Variants in NUDT16L1 observed in about 807,000 individuals in gnomAD.
NUDT16L1 encodes the protein tudor-interacting repair regulator protein.
NUDT16L1 carries 19 observed loss-of-function variants against 17.3 expected under a neutral mutation model. That is an observed-to-expected ratio of 1.10 (90% CI 0.77 to 1.61). The LOEUF (loss-of-function observed/expected upper bound fraction) is 1.61, where lower values mean the gene tolerates loss of function less well. Ranked by LOEUF, NUDT16L1 falls within the 40% of genes most tolerant of loss-of-function variation. The probability of loss-of-function intolerance (pLI) is 0.00; values close to 1 mark genes in which losing one functional copy is unlikely to be tolerated. For synonymous variants in NUDT16L1, 255 were observed against 138.6 expected, an observed-to-expected ratio of 1.84 and a Z score of -5.90; for missense variants, 341 against 292.0, an observed-to-expected ratio of 1.17 and a Z score of -1.22.
At chr16:4,695,082 T>G in exon 3 of NUDT16L1, 1 of 1,613,450 alleles carries the variant, frequency 6.2e-7, no homozygotes, top group Non-Finnish European at 8.5e-7. Context: ...CTCAAGGTGC[T>G]CAACATGATG....
chr16:4,694,256 GC>G lies in NUDT16L1; in HGVS notation c.414+22del. ...GCCTGGAGGTGGGGCCGCCGCCCGG[GC>G]CCCGCCCCCCGCCCCGGGGTTTGGC... On this transcript the variant is annotated intron_variant, in intron 2 of 2. Coordinates refer to ENST00000304301, the Ensembl canonical transcript of NUDT16L1. 2 of 1,461,396 alleles carry G rather than the reference GC, an allele frequency of 1.4e-6. No homozygotes were observed. Among genetic ancestry groups the G allele is most frequent in the East Asian group, 2.6e-5 (1 of 38,382 alleles). The allele number at this position is 1,461,396 out of a possible 1,614,324, so 90.5% of individuals were successfully genotyped here. A position where few individuals can be genotyped will look rare whatever the true frequency, so the allele number is the denominator to read the frequency against.
exon 3 of NUDT16L1, chr16:4,695,464 TC>T (rs1467534100): frequency 6.9e-6 from 4 of 583,618 alleles, no homozygotes; most frequent in Non-Finnish European, 1.2e-5. Flanking sequence ...CTCTTGTACG[TC>T]TCATCACAGC....
intron 2 of NUDT16L1, chr16:4,694,603 G>A (rs530110825): frequency 2.8e-6 from 4 of 1,432,332 alleles, no homozygotes; most frequent in African/African-American, 1.4e-5. Context: ...GGAACCTCAT[G>A]TTGGGCGTGA....
chr16:4,694,674 G>T, intron 2 of NUDT16L1: 1 of 1,417,210 alleles, frequency 7.1e-7, no homozygotes, highest in Non-Finnish European at 9.2e-7. Flanking sequence ...TTCAGGCTTC[G>T]TTGGGTGGAC....
At chr16:4,694,669 GC>G (rs2079496890) in intron 2 of NUDT16L1, 1 of 1,419,866 alleles carries the variant, frequency 7.0e-7, no homozygotes, top group African/African-American at 1.4e-5. Flanking sequence ...GGGTGTTCAG[GC>G]TTCGTTGGGT....
chr16:4,694,115 G>A (rs776076551), exon 2 of NUDT16L1: 2 of 1,590,596 alleles, frequency 1.3e-6, no homozygotes, highest in East Asian at 2.3e-5. Context: ...CCGACTACCT[G>A]AGCTCGCACC....
chr16:4,694,510 C>T (rs1349945733), intron 2 of NUDT16L1: 15 of 1,077,828 alleles, frequency 1.4e-5, no homozygotes, highest in East Asian at 6.0e-5. Flanking sequence ...GGAGTGGGAT[C>T]GGTGGGGAGG....
chr16:4,693,599 G>A (rs2079473219), upstream of NUDT16L1: 18 of 1,134,898 alleles, frequency 1.6e-5, no homozygotes, highest in South Asian at 4.2e-4. Flanking sequence ...CTCGGTCCCG[G>A]GGCGCGCCGG....
exon 2 of NUDT16L1, chr16:4,694,193 C>A (rs1287162190): frequency 6.4e-7 from 1 of 1,566,818 alleles, no homozygotes; most frequent in Non-Finnish European, 8.6e-7. Context: ...AGCAGCTGCA[C>A]GCCGTGGAGA....
At chr16:4,695,837 G>T (rs117738064) in exon 3 of NUDT16L1, 1 of 351,506 alleles carries the variant, frequency 2.8e-6, no homozygotes, top group Non-Finnish European at 5.1e-6. Flanking sequence ...AAGTCGCTCC[G>T]CAGCTGCTCT....
chr16:4,694,781 G>T, intron 2 of NUDT16L1, 177 bp from the exon 3 acceptor site: 2 of 1,437,084 alleles, frequency 1.4e-6, no homozygotes, highest in Non-Finnish European at 1.8e-6. Flanking sequence ...GGGGAGGAGG[G>T]GGCTGCACTG....
chr16:4,694,677 G>A lies in NUDT16L1; in HGVS notation c.415-281G>A, dbSNP rs541343587. The A allele has an allele frequency of 4.5e-3, 6,362 of 1,423,622 alleles. 20 individuals carry two copies. The highest frequency in any genetic ancestry group is 5.4e-3 in the Non-Finnish European group (5,880 of 1,092,804). 88.2% of individuals were successfully genotyped at this position (1,423,622 alleles called of 1,614,324 possible). ...GGACTGCGGGTGTTCAGGCTTCGTT[G>A]GGTGGACGGGGGGAGCATGGGGTGC... is the stretch of plus-strand genomic sequence containing the variant. On this transcript the variant is annotated intron_variant, in intron 2 of 2. Transcript: ENST00000304301.
chr16:4,694,373 G>C, intron 2 of NUDT16L1, 135 bp downstream of exon 2: 12 of 1,483,672 alleles, frequency 8.1e-6, no homozygotes, highest in Non-Finnish European at 1.1e-5. Flanking sequence ...CAGCAATGGG[G>C]TGGGGAGAGG....
chr16:4,695,337 G>A, exon 3 of NUDT16L1: 2 of 756,958 alleles, frequency 2.6e-6, no homozygotes, highest in South Asian at 1.8e-5. Flanking sequence ...TCACTAGGTG[G>A]CGGCCGGGCC....
chr16:4,694,932 C>T (rs778515383), intron 2 of NUDT16L1, 26 bp from the exon 3 acceptor site: 3 of 1,588,984 alleles, frequency 1.9e-6, no homozygotes, highest in South Asian at 2.2e-5. Context: ...AGGCCTGGCC[C>T]CAACCCCTAC....
At chr16:4,694,981 G>T (rs905546597) in exon 3 of NUDT16L1, 1 of 1,610,896 alleles carries the variant, frequency 6.2e-7, no homozygotes, top group Middle Eastern at 1.6e-4. Context: ...TGCGGGTCCC[G>T]CTGTACACCC....
In NUDT16L1 at chr16:4,694,943, C is replaced by T. The variant is rs1596331041; in HGVS notation, c.415-15C>T. The stretch of plus-strand genomic sequence containing the variant: ...TGGCAGGCCTGGCCCCAACCCCTAC[C>T]TCCTGTCTGCGCAGGTGCTGGGCCT... On this transcript the variant is annotated splice_polypyrimidine_tract_variant and intron_variant, in intron 2 of 2. Transcript: ENST00000304301. The T allele has an allele frequency of 2.5e-6, 4 of 1,599,618 alleles. No individual in the cohort carries two copies. Among genetic ancestry groups the T allele is most frequent in the Non-Finnish European group, 3.4e-6 (4 of 1,176,748 alleles).
chr16:4,695,820 G>A (rs535181344), exon 3 of NUDT16L1: 1 of 379,184 alleles, frequency 2.6e-6, no homozygotes, highest in East Asian at 3.8e-5. Flanking sequence ...CGAAGGAGAA[G>A]ACAATAAAGT....
exon 2 of NUDT16L1, chr16:4,694,154 G>A: frequency 6.3e-7 from 1 of 1,585,782 alleles, no homozygotes; most frequent in Admixed American, 1.7e-5. Flanking sequence ...GCGTCGTGGC[G>A]CACCTGTACG....
Sources: gnomAD v4.1 joint callset for allele counts on GRCh38, gnomAD v4.1.1 for gene constraint, MANE v1.5 for transcripts, NCBI Gene and HGNC (gene_info 2026-07-23, HGNC 2026-07-21) for gene names.